The following SEPTIN11 variants were observed in gnomAD, a reference collection of about 807,000 sequenced individuals.
SEPTIN11 encodes septin-11.
SEPTIN11 carries 25 observed loss-of-function variants against 51.4 expected under a neutral mutation model. That is an observed-to-expected ratio of 0.49 (90% confidence interval 0.35 to 0.68). The LOEUF (loss-of-function observed/expected upper bound fraction) is 0.68, where lower values mean the gene tolerates loss of function less well. SEPTIN11 is among the 30% of genes least tolerant of loss of function. SEPTIN11 has a pLI of 0.00. For synonymous variants in SEPTIN11, 174 were observed against 184.1 expected, an observed-to-expected ratio of 0.95 and a Z score of 0.44; for missense variants, 381 against 520.8, an observed-to-expected ratio of 0.73 and a Z score of 2.61.
Position 76,949,839 on chromosome 4 carries a change from C to T in SEPTIN11, c.-65C>T. The T allele has an allele frequency of 1.3e-6, 2 of 1,486,376 alleles. No homozygotes were observed. The highest frequency in any genetic ancestry group is 2.7e-5 in the East Asian group (1 of 36,482). The allele number at this position is 1,486,376 out of a possible 1,614,324, so 92.1% of individuals were successfully genotyped here. A position where few individuals can be genotyped will look rare whatever the true frequency, so the allele number is the denominator to read the frequency against. ...CGAGGGAGGCGAGCCGGAGCCCGAG[C>T]ACTAGCAGCAGCCGGAGTCGGCGTA... On this transcript the variant is annotated 5_prime_UTR_variant, in exon 1 of 10. Coordinates refer to ENST00000264893, the MANE Select transcript of SEPTIN11 (RefSeq NM_018243.4).
At chr4:76,950,571 C>A (rs532514996) in intron 1 of SEPTIN11, among the ~76,000 whole-genome samples, 18 of 152,244 alleles carry the variant, frequency 1.2e-4, no homozygotes, top group Non-Finnish European at 2.2e-4. Context: ...GGCTGAAAGG[C>A]CGGGGGCGGC....
intron 1 of SEPTIN11, among the ~76,000 whole-genome samples, chr4:76,995,287 C>T (rs1310903300): frequency 1.3e-5 from 2 of 152,058 alleles, no homozygotes; most frequent in African/African-American, 4.8e-5. Context: ...GAGGCTGAGG[C>T]ACTAGAATCA....
chr4:77,016,370 G>A (rs990869149), intron 5 of SEPTIN11, among the ~76,000 whole-genome samples: 98 of 150,124 alleles, frequency 6.5e-4, no homozygotes, highest in Admixed American at 2.1e-3. Context: ...GTGTACTGCC[G>A]CCCGAGCAGA....
intron 1 of SEPTIN11, among the ~76,000 whole-genome samples, chr4:76,957,757 C>A (rs147541725): frequency 6.6e-6 from 1 of 152,068 alleles, no homozygotes; most frequent in Non-Finnish European, 1.5e-5. Context: ...CTTAGAGGCA[C>A]GGATCAAGCA....
intron 5 of SEPTIN11, among the ~76,000 whole-genome samples, chr4:77,016,635 TATATATATATATATATATATACAC>T (rs1560736323): frequency 5.5e-5 from 3 of 54,960 alleles, no homozygotes; most frequent in Non-Finnish European, 1.1e-4. Context: ...TATATACACA[TATATATATATATATATATATACAC>T]ATATATATAT....
chr4:77,018,365 C>G (rs985179238), intron 5 of SEPTIN11, among the ~76,000 whole-genome samples: 3 of 151,468 alleles, frequency 2.0e-5, no homozygotes, highest in African/African-American at 7.3e-5. Flanking sequence ...AGGAGAATGG[C>G]GTGAACCCGG....
In SEPTIN11 at chr4:77,038,019, G is replaced by A. The variant is rs1727150738; in HGVS notation, c.*3507G>A. On this transcript the variant is annotated 3_prime_UTR_variant, in exon 10 of 10. Transcript: ENST00000264893. ...AACTATTGGGTGAGGTTTTTCAGCT[G>A]TTACCGACCCACGTCCTGCTGTCTC... The A allele has an allele frequency of 2.0e-6, 2 of 985,694 alleles. No individual in the cohort carries two copies. The highest frequency in any genetic ancestry group is 2.4e-6 in the Non-Finnish European group (2 of 829,918). The allele number at this position is 985,694 out of a possible 1,614,324, so 61.1% of individuals were successfully genotyped here.
intron 3 of SEPTIN11, among the ~76,000 whole-genome samples, chr4:77,006,385 A>G (rs6826681): frequency 0.18 from 28,017 of 152,042 alleles, 2,742 homozygotes; most frequent in East Asian, 0.27. Context: ...GAAGTTTTCA[A>G]TTCTTAAAAT....
chr4:76,991,916 G>C (rs879665746), intron 1 of SEPTIN11, among the ~76,000 whole-genome samples: 19 of 152,240 alleles, frequency 1.2e-4, no homozygotes, highest in East Asian at 1.9e-4. Context: ...GTATCTAAGA[G>C]GATATGTTCT....
At chr4:76,957,494 T>G (rs1721613634) in intron 1 of SEPTIN11, among the ~76,000 whole-genome samples, 1 of 152,152 alleles carries the variant, frequency 6.6e-6, no homozygotes, top group South Asian at 2.1e-4. Flanking sequence ...TAACAGTACT[T>G]CCCTCAAAGA....
At chr4:77,016,403 A>G (rs1478840683) in intron 5 of SEPTIN11, among the ~76,000 whole-genome samples, 5 of 150,476 alleles carry the variant, frequency 3.3e-5, no homozygotes, top group South Asian at 2.1e-4. Flanking sequence ...CAGCCTCGGC[A>G]TCCATGGATT....
At chr4:76,980,497 C>G (rs1290910038) in intron 1 of SEPTIN11, among the ~76,000 whole-genome samples, 1 of 152,084 alleles carries the variant, frequency 6.6e-6, no homozygotes, top group Non-Finnish European at 1.5e-5. Flanking sequence ...TGCCACATTG[C>G]GCTAAACCCA....
chr4:76,983,826 G>A (rs1459768201), intron 1 of SEPTIN11, among the ~76,000 whole-genome samples: 1 of 152,120 alleles, frequency 6.6e-6, no homozygotes, highest in Admixed American at 6.5e-5. Context: ...TGGCCAACGT[G>A]GTGAAACCCC....
At position 77,028,751 on chromosome 4, in the gene SEPTIN11, C is replaced by T; in HGVS notation, c.1076C>T (p.Ala359Val). 1 of 1,611,502 alleles carries T rather than the reference C, an allele frequency of 6.2e-7. No individual in the cohort carries two copies. Among genetic ancestry groups the T allele is most frequent in the Non-Finnish European group, 8.5e-7 (1 of 1,179,154 alleles). Residue 359 changes from alanine (A) to valine (V), a missense_variant, in exon 8 of 10, where the codon GCA (alanine) becomes GTA (valine). Ala to Val is a moderately conservative substitution (Grantham distance 64). Transcript: ENST00000264893. ...VKEKEAELKE[A>V]EKELHEKFDL... ...GAGAAAGAAGCTGAACTTAAGGAGG[C>T]AGAGAAAGAGGTAAGCCATCTGTCC...
intron 1 of SEPTIN11, among the ~76,000 whole-genome samples, chr4:76,971,743 C>T (rs1722254051): frequency 6.6e-6 from 1 of 152,016 alleles, no homozygotes; most frequent in African/African-American, 2.4e-5. Flanking sequence ...CTTAGAAGGG[C>T]AGTATTCACT....
At chr4:76,966,569 T>G (rs1038795360) in intron 1 of SEPTIN11, among the ~76,000 whole-genome samples, 8 of 152,038 alleles carry the variant, frequency 5.3e-5, no homozygotes, top group African/African-American at 1.9e-4. Context: ...AATTAAAAAT[T>G]TATGTAATCA....
chr4:77,020,211 G>A (rs962982079), intron 6 of SEPTIN11, among the ~76,000 whole-genome samples: 1 of 152,162 alleles, frequency 6.6e-6, no homozygotes, highest in African/African-American at 2.4e-5. Flanking sequence ...CATCTAGTTG[G>A]CAGAGTTATT....
intron 1 of SEPTIN11, chr4:76,972,574 G>A (rs1469990949): frequency 1.3e-5 from 2 of 152,056 alleles, no homozygotes; most frequent in Non-Finnish European, 2.9e-5. Context: ...TCTGTGATTT[G>A]AAGAAATGTT....
rs994973146 is a variant in SEPTIN11 at position 77,036,830 on chromosome 4, C to G, written c.*2318C>G. Reference sequence around the variant, plus strand: ...CAAATCTAATTGGATGTGCTTTCGCCTTTGCATGTAAGTACGGTAGTAAGA... The same window carrying G: ...CAAATCTAATTGGATGTGCTTTCGCGTTTGCATGTAAGTACGGTAGTAAGA... On this transcript the variant is annotated 3_prime_UTR_variant, in exon 10 of 10. Coordinates refer to ENST00000264893, the MANE Select transcript of SEPTIN11 (RefSeq NM_018243.4). 3.0e-5 allele frequency: 45 copies of G among 1,522,172 alleles called. 1 individual carries two copies. In the East Asian group the frequency reaches 5.4e-4, roughly 18 times the overall value. 94.3% of individuals were successfully genotyped at this position (1,522,172 alleles called of 1,614,324 possible).
Sources: allele counts gnomAD v4.1 joint callset (sites outside exome capture counted in the v4.1 genomes callset), GRCh38; gene constraint gnomAD v4.1.1; transcripts MANE v1.5; gene names NCBI Gene and HGNC (gene_info 2026-07-23, HGNC 2026-07-21).